ADAMTS20: variants seen among roughly 807,000 people sequenced by gnomAD.
ADAMTS20 encodes the protein A disintegrin and metalloproteinase with thrombospondin motifs 20.
ADAMTS20 carries 225 observed loss-of-function variants against 260.1 expected under a neutral mutation model. The ratio of observed to expected loss-of-function variants is 0.87; its 90% CI spans 0.78 to 0.97. The LOEUF is 0.97. Among genes scored for constraint, ADAMTS20 ranks in the 50% least tolerant of loss-of-function variants. The probability of loss-of-function intolerance (pLI) is 0.00; values close to 1 mark genes in which losing one functional copy is unlikely to be tolerated. For missense variants in ADAMTS20, 2,400 were observed against 2,337.7 expected (o/e 1.03, Z -0.55); for synonymous variants, 802 against 769.5 (o/e 1.04, Z -0.70).
intron 31 of ADAMTS20, among the ~76,000 whole-genome samples, chr12:43,378,500 A>G (rs745352205): frequency 4.0e-4 from 61 of 152,362 alleles, no homozygotes; most frequent in Non-Finnish European, 4.4e-4. Flanking sequence ...GCCACAGTAG[A>G]GAGGAACAGT....
At chr12:43,420,584 G>T (rs115580010) in intron 28 of ADAMTS20, among the ~76,000 whole-genome samples, 1,573 of 151,938 alleles carry the variant, frequency 0.01, 22 homozygotes, top group African/African-American at 0.035. Flanking sequence ...CCTACACATT[G>T]CCTGGCTCCT....
intron 28 of ADAMTS20, among the ~76,000 whole-genome samples, chr12:43,411,862 TTCA>T (rs1406431641): frequency 3.3e-5 from 5 of 152,306 alleles, no homozygotes; most frequent in Middle Eastern, 3.4e-3. Context: ...ATGTAAAATT[TTCA>T]GAGCCTCAGA....
chr12:43,387,531 C>T (rs1940505900), intron 29 of ADAMTS20, among the ~76,000 whole-genome samples: 1 of 152,214 alleles, frequency 6.6e-6, no homozygotes, highest in African/African-American at 2.4e-5. Flanking sequence ...CTGGGAGATC[C>T]ACTGCTCTCT....
chr12:43,540,763 T>C (rs1239044846), intron 2 of ADAMTS20, among the ~76,000 whole-genome samples: 1 of 152,156 alleles, frequency 6.6e-6, no homozygotes, highest in Non-Finnish European at 1.5e-5. Flanking sequence ...TCCTAACACT[T>C]TCTTTCAATG....
chr12:43,486,421 A>G (rs1942523941), intron 7 of ADAMTS20, among the ~76,000 whole-genome samples: 1 of 152,168 alleles, frequency 6.6e-6, no homozygotes, highest in African/African-American at 2.4e-5. Flanking sequence ...TTATACAAAA[A>G]TCAACTCAAG....
At chr12:43,422,683 AT>A (rs1429431140) in intron 28 of ADAMTS20, 1 of 152,034 alleles carries the variant, frequency 6.6e-6, no homozygotes, top group Non-Finnish European at 1.5e-5. Context: ...AAAATACTAC[AT>A]TTCTTCATAG....
intron 38 of ADAMTS20, among the ~76,000 whole-genome samples, 196 bp downstream of exon 38, chr12:43,356,288 T>C (rs918241253): frequency 1.3e-5 from 2 of 152,218 alleles, no homozygotes; most frequent in Non-Finnish European, 2.9e-5. Flanking sequence ...AACCTCCACA[T>C]GCACATTAAT....
At chr12:43,472,240 T>A (rs1404197903) in intron 7 of ADAMTS20, among the ~76,000 whole-genome samples, 2 of 151,506 alleles carry the variant, frequency 1.3e-5, no homozygotes, top group Non-Finnish European at 2.9e-5. Context: ...GTATCAGTGA[T>A]GGAAGATGAA....
intron 28 of ADAMTS20, chr12:43,423,863 T>C (rs1427076366): frequency 2.8e-6 from 2 of 724,510 alleles, no homozygotes; most frequent in East Asian, 2.5e-5. Flanking sequence ...GCAAAATATG[T>C]TTTTCATTAG....
intron 7 of ADAMTS20, among the ~76,000 whole-genome samples, chr12:43,488,832 A>G (rs1036696371): frequency 6.6e-6 from 1 of 152,136 alleles, no homozygotes; most frequent in Non-Finnish European, 1.5e-5. Flanking sequence ...CAATACTATG[A>G]AATCTCCAAT....
Position 43,418,016 on chromosome 12 carries a change from G to C in ADAMTS20, c.4284+7498C>G, listed in dbSNP as rs1001257746. On this transcript the variant is annotated intron_variant, in intron 28 of 38. Coordinates refer to ENST00000389420, the MANE Select transcript of ADAMTS20 (RefSeq NM_025003.5). ...ACTACAACTGCTGCTGCTGCTGCTG[G>C]TGGTTGGTTTATGTTTTAGTTTTAA... is the stretch of plus-strand genomic sequence containing the variant. 9.9e-5 allele frequency among the ~76,000 whole-genome samples: 15 copies of C among 152,160 alleles called. 1 individual carries two copies. The highest frequency in any genetic ancestry group is 2.2e-4 in the African/African-American group (9 of 41,444).
chr12:43,459,096 ACT>A (rs1942015416), intron 11 of ADAMTS20, among the ~76,000 whole-genome samples: 1 of 151,836 alleles, frequency 6.6e-6, no homozygotes, highest in Non-Finnish European at 1.5e-5. Context: ...CTCTGTTTTC[ACT>A]CTATTAAATC....
rs771745570 is a variant in ADAMTS20 at position 43,428,314 on chromosome 12, A to G, written c.3872T>C (p.Leu1291Pro). ...GACCACCTGATTTTCATTATCTTCA[A>G]GTTTTTGAGTTAATGGCAAATTCGT... is the stretch of plus-strand genomic sequence containing the variant. ...LSTNLPLTQK[L>P]EDNENQVVHP... The change falls in exon 26 of 39, where the codon CTT (leucine) becomes CCT (proline). Residue 1291 changes from leucine to proline, a missense_variant. Physicochemically the swap from Leu to Pro is moderately conservative, Grantham distance 98 (BLOSUM62 -3). Transcript: ENST00000389420. 1.9e-6 allele frequency: 3 copies of G among 1,613,800 alleles called. No individual in the cohort carries two copies. Among genetic ancestry groups the G allele is most frequent in the Admixed American group, 3.3e-5 (2 of 59,982 alleles).
At chr12:43,505,403 T>C (rs1942827448) in intron 3 of ADAMTS20, among the ~76,000 whole-genome samples, 1 of 152,146 alleles carries the variant, frequency 6.6e-6, no homozygotes, top group Admixed American at 6.6e-5. Context: ...AAGGAATTAA[T>C]ATCTAGAATA....
intron 2 of ADAMTS20, among the ~76,000 whole-genome samples, chr12:43,536,989 A>G (rs1325457249): frequency 6.6e-6 from 1 of 152,226 alleles, no homozygotes; most frequent in Non-Finnish European, 1.5e-5. Context: ...TTAATCACAA[A>G]TATCTTAATA....
rs966770276 is a variant in ADAMTS20, at chr12:43,371,469, T to G, written c.5447-2088A>C. On this transcript the variant is annotated intron_variant, in intron 36 of 38. Coordinates refer to ENST00000389420, the MANE Select transcript of ADAMTS20 (RefSeq NM_025003.5). ...ACAAGTTATAAAACAAATATTACAG[T>G]ATGTTAGGGGTGATACTTGCTATGG... Among the ~76,000 whole-genome samples the G allele has an allele frequency of 1.1e-4, 17 of 151,958 alleles. 1 individual carries two copies. The highest frequency in any genetic ancestry group is 3.9e-4 in the African/African-American group (16 of 41,386).
intron 6 of ADAMTS20, among the ~76,000 whole-genome samples, chr12:43,491,619 T>C (rs1431325141): frequency 2.0e-5 from 3 of 152,218 alleles, no homozygotes; most frequent in South Asian, 2.1e-4. Flanking sequence ...GCATTGCTTG[T>C]AAAATGAATA....
chr12:43,450,430 C>T (rs1941843959), intron 14 of ADAMTS20, among the ~76,000 whole-genome samples: 1 of 152,080 alleles, frequency 6.6e-6, no homozygotes, highest in Non-Finnish European at 1.5e-5. Flanking sequence ...AAGTAGCATG[C>T]CTCTATATGT....
intron 2 of ADAMTS20, among the ~76,000 whole-genome samples, chr12:43,539,045 C>T (rs761567661): frequency 2.7e-4 from 41 of 151,454 alleles, no homozygotes; most frequent in Non-Finnish European, 3.8e-4. Flanking sequence ...CTCCACCACC[C>T]GGGTTCAAGC....
Sources: allele counts gnomAD v4.1 joint callset (sites outside exome capture counted in the v4.1 genomes callset), GRCh38; gene constraint gnomAD v4.1.1; transcripts MANE v1.5; gene names NCBI Gene and HGNC (gene_info 2026-07-23, HGNC 2026-07-21).